GATB: variants seen among roughly 807,000 people sequenced by gnomAD.
GATB encodes the protein glutamyl-tRNA(Gln) amidotransferase subunit B, mitochondrial.
In GATB, 39 loss-of-function variants were observed where a neutral mutation model predicts 62.3. The observed-to-expected ratio is 0.63, with a 90% CI of 0.48 to 0.82. The LOEUF is 0.82. GATB is among the 40% of genes least tolerant of loss of function. The pLI, the probability that GATB is intolerant of heterozygous loss-of-function variation, is 0.00. For synonymous variants in GATB, 276 were observed against 258.9 expected (o/e 1.07, Z -0.63); for missense variants, 670 against 684.0 (o/e 0.98, Z 0.23).
chr4:151,711,069 C>T, intron 5 of GATB, among the ~76,000 whole-genome samples: 1 of 152,176 alleles, frequency 6.6e-6, no homozygotes, highest in East Asian at 1.9e-4. Context: ...TGTGCTTCCT[C>T]CCTGTCTCTT....
intron 10 of GATB, among the ~76,000 whole-genome samples, chr4:151,682,517 C>G (rs1283179364): frequency 1.3e-5 from 2 of 152,176 alleles, no homozygotes; most frequent in African/African-American, 2.4e-5. Context: ...GCCTTCAGCT[C>G]TGTGTGCTGC....
At chr4:151,683,223 C>G (rs1301148809) in intron 10 of GATB, among the ~76,000 whole-genome samples, 1 of 152,150 alleles carries the variant, frequency 6.6e-6, no homozygotes, top group Admixed American at 6.5e-5. Context: ...GCACCAGTGG[C>G]TACTACCTAC....
At chr4:151,740,763 G>A (rs752187534) in intron 2 of GATB, among the ~76,000 whole-genome samples, 2 of 152,178 alleles carry the variant, frequency 1.3e-5, no homozygotes, top group Non-Finnish European at 2.9e-5. Context: ...TTAAGTTCGG[G>A]AACTGTCCAT....
chr4:151,737,037 G>A (rs111971573), intron 2 of GATB, among the ~76,000 whole-genome samples: 2,994 of 152,262 alleles, frequency 0.02, 103 homozygotes, highest in African/African-American at 0.068. Context: ...CTGGTACCAG[G>A]AGTGGGGTGT....
In GATB at chr4:151,730,109, C is replaced by T. The variant is rs1212675792; in HGVS notation, c.328-10571G>A. Reference sequence around the variant, plus strand: ...GGGTGTGGTGGGAGTGAGACTGGCCCTTTGGTTTGTGTGGGAGCTGGGTGA... The same window carrying T: ...GGGTGTGGTGGGAGTGAGACTGGCCTTTTGGTTTGTGTGGGAGCTGGGTGA... On this transcript the variant is annotated intron_variant, in intron 2 of 12. Coordinates refer to ENST00000263985, the MANE Select transcript of GATB (RefSeq NM_004564.3). The surrounding 1 kb of genome is among the most constrained non-coding windows in gnomAD (Gnocchi z 4.1). Among the ~76,000 whole-genome samples, 1 of 152,146 alleles carries T rather than the reference C, an allele frequency of 6.6e-6. No homozygotes were observed. The highest frequency in any genetic ancestry group is 6.5e-5 in the Admixed American group (1 of 15,274).
intron 12 of GATB, 51 bp downstream of exon 12, chr4:151,672,711 G>A (rs1364458755): frequency 2.1e-5 from 34 of 1,587,134 alleles, no homozygotes; most frequent in Non-Finnish European, 2.7e-5. Context: ...CGAGGCTCTT[G>A]GGCATGTCCT....
At chr4:151,705,290 T>G in intron 6 of GATB, 21 bp from the exon 7 acceptor site, 1 of 1,484,706 alleles carries the variant, frequency 6.7e-7, no homozygotes, top group South Asian at 1.1e-5. Context: ...CACACTAATT[T>G]AGCATCATAT....
chr4:151,716,351 T>C (rs1249189446), intron 4 of GATB: 2 of 490,968 alleles, frequency 4.1e-6, no homozygotes, highest in South Asian at 2.9e-5. Context: ...GGCATGATCA[T>C]AGCTCACTGC....
chr4:151,735,734 G>GTATATATATATATATATA (rs1491213513), intron 2 of GATB, among the ~76,000 whole-genome samples: 3,296 of 93,122 alleles, frequency 0.035, 630 homozygotes, highest in African/African-American at 0.083. Context: ...ATAAACTGTG[G>GTATATATATATATATATA]TGTATATATA....
chr4:151,726,611 A>G (rs1239503547), intron 2 of GATB, among the ~76,000 whole-genome samples: 1 of 152,232 alleles, frequency 6.6e-6, no homozygotes, highest in Non-Finnish European at 1.5e-5. Context: ...GGGGAAAGAA[A>G]ATCAAATAGC....
chr4:151,697,948 T>TGTATATATATATATATATGA (rs1738507469), intron 9 of GATB, among the ~76,000 whole-genome samples: 1 of 84,702 alleles, frequency 1.2e-5, no homozygotes, highest in Admixed American at 1.2e-4. Context: ...TGTGTGTGTG[T>TGTATATATATATATATATGA]GTGTGTATAT....
At chr4:151,745,531 C>G (rs561863722) in intron 2 of GATB, among the ~76,000 whole-genome samples, 1 of 152,182 alleles carries the variant, frequency 6.6e-6, no homozygotes, top group Non-Finnish European at 1.5e-5. Flanking sequence ...TTTAGAAAAG[C>G]GTTCACATCA....
chr4:151,698,944 T>C (rs1051301807), intron 9 of GATB, among the ~76,000 whole-genome samples: 8 of 152,084 alleles, frequency 5.3e-5, no homozygotes, highest in Non-Finnish European at 5.9e-5. Flanking sequence ...ATTATCCATC[T>C]ATCTAGTGTA....
At position 151,729,357 on chromosome 4, in the gene GATB, G is replaced by C. The variant is rs1331750538; in HGVS notation, c.328-9819C>G. ...AAACAAAAAGAAAAAGGACTAAAGA[G>C]ACATGACAACTAAATGCAATGGGTG... On this transcript the variant is annotated intron_variant, in intron 2 of 12. Transcript: ENST00000263985. Among the ~76,000 whole-genome samples the C allele has an allele frequency of 5.3e-5, 8 of 152,274 alleles. No homozygotes were observed. The East Asian group carries it at 1.5e-3, about 29-fold the overall frequency.
intron 2 of GATB, among the ~76,000 whole-genome samples, chr4:151,729,800 T>C (rs1739207672): frequency 6.6e-6 from 1 of 152,160 alleles, no homozygotes; most frequent in Non-Finnish European, 1.5e-5. Flanking sequence ...ATCTATTAAC[T>C]ATGAAGAGAA....
At chr4:151,705,138 C>G in intron 7 of GATB, 47 bp downstream of exon 7, 1 of 1,371,626 alleles carries the variant, frequency 7.3e-7, no homozygotes, top group Non-Finnish European at 1.0e-6. Context: ...CCAGCCCTCT[C>G]GCACCACCCC....
chr4:151,706,940 A>C (rs747281225), intron 6 of GATB, among the ~76,000 whole-genome samples: 19 of 152,188 alleles, frequency 1.2e-4, no homozygotes, highest in African/African-American at 4.1e-4. Flanking sequence ...CTCCCCTTGA[A>C]TTCACAGTTA....
chr4:151,719,524 C>A lies in GATB; in HGVS notation c.342G>T (p.Arg114Ser). 2 of 1,606,128 alleles carry A rather than the reference C, an allele frequency of 1.2e-6. No homozygotes were observed. Among genetic ancestry groups the A allele is most frequent in the Non-Finnish European group, 1.7e-6 (2 of 1,176,436 alleles). ...LPGTLPVLNR[R>S]CVEAAVMTGL... ...CTGTCATCACCGCCGCTTCTACACA[C>A]CTCCTGTTGAGAACCTATGGGAACA... Residue 114 changes from arginine to serine, a missense_variant, in exon 3 of 13, where the codon AGG becomes AGT. Coordinates refer to ENST00000263985, the MANE Select transcript of GATB (RefSeq NM_004564.3).
chr4:151,681,689 T>A (rs552982379), intron 10 of GATB, among the ~76,000 whole-genome samples: 1 of 152,280 alleles, frequency 6.6e-6, no homozygotes, highest in South Asian at 2.1e-4. Flanking sequence ...TCTAACAGGT[T>A]AGTACCAAAG....
Sources: gnomAD v4.1 joint callset for allele counts (sites outside exome capture counted in the v4.1 genomes callset) on GRCh38, gnomAD v4.1.1 for gene constraint, Gnocchi (gnomAD v3.1) non-coding constraint, MANE v1.5 for transcripts, NCBI Gene and HGNC (gene_info 2026-07-23, HGNC 2026-07-21) for gene names.